The following MUC6 variants were observed in gnomAD, a reference collection of about 807,000 sequenced individuals.
MUC6 encodes mucin-6.
In MUC6, 188 loss-of-function variants were observed where a neutral mutation model predicts 201.5. That is an observed-to-expected ratio of 0.93 (90% confidence interval 0.83 to 1.05). MUC6 has a LOEUF of 1.05. Ranked by LOEUF, MUC6 falls within the 50% of genes least tolerant of loss-of-function variation. The pLI is 0.00. For synonymous variants in MUC6, 1,228 were observed against 1,389.4 expected (o/e 0.88, Z 2.58); for missense variants, 2,706 against 3,256.9 (o/e 0.83, Z 4.12).
At chr11:1,015,692 G>T in intron 31 of MUC6, 70 bp downstream of exon 31, 1 of 1,498,326 alleles carries the variant, frequency 6.7e-7, no homozygotes, top group Non-Finnish European at 8.9e-7. Flanking sequence ...GGTAAGCTGA[G>T]GCAGGGGCTG....
chr11:1,023,034 A>G (rs1049780538), intron 26 of MUC6, among the ~76,000 whole-genome samples: 2 of 147,546 alleles, frequency 1.4e-5, no homozygotes, highest in African/African-American at 4.9e-5. Context: ...GAATGTGTTG[A>G]GTGAATGTGC....
chr11:1,019,885 T>C (rs1856768750), intron 29 of MUC6: 1 of 734,682 alleles, frequency 1.4e-6, no homozygotes, highest in African/African-American at 1.8e-5. Flanking sequence ...CAGCAAGGAA[T>C]GCCCCATGCC....
rs564048616 is a variant in MUC6, at chr11:1,027,235, GA to G, written c.2231+32del. ...GCGTGAGACCCCGGGACCTGGCAGG[GA>G]CCCCCCGCCTGGCCCCTGCCCGGTC... On this transcript the variant is annotated intron_variant, in intron 17 of 32. Coordinates refer to ENST00000421673, the MANE Select transcript of MUC6 (RefSeq NM_005961.3). 6.7e-4 allele frequency: 1,082 copies of G among 1,611,942 alleles called. 9 individuals carry two copies. The African/African-American group carries it at 0.013, about 19-fold the overall frequency.
chr11:1,020,772 A>G, intron 27 of MUC6, 38 bp from the exon 28 acceptor site: 1 of 1,607,514 alleles, frequency 6.2e-7, no homozygotes, highest in Non-Finnish European at 8.5e-7. Flanking sequence ...TGGTTCTCTA[A>G]GCCTCCCCAC....
intron 4 of MUC6, 43 bp downstream of exon 4, chr11:1,031,564 G>A (rs367748049): frequency 2.7e-5 from 41 of 1,536,788 alleles, no homozygotes; most frequent in East Asian, 4.9e-5. Context: ...CTGCCCCCCC[G>A]TGCTGCGGGT....
chr11:1,029,705 TG>T (rs1278498932), intron 8 of MUC6, 90 bp from the exon 9 acceptor site: 1 of 1,473,536 alleles, frequency 6.8e-7, no homozygotes, highest in African/African-American at 1.4e-5. Context: ...CCCTCCAGCC[TG>T]GCTCCAGGGA....
At chr11:1,036,206 C>G (rs1031813042) in intron 1 of MUC6, among the ~76,000 whole-genome samples, 14 of 152,176 alleles carry the variant, frequency 9.2e-5, no homozygotes, top group Non-Finnish European at 1.9e-4. Context: ...GCCTCTGTCC[C>G]CCACACTCCA....
At chr11:1,030,366 T>TGCCACCCCCCC in intron 7 of MUC6, 31 bp from the exon 8 acceptor site, 4 of 1,489,588 alleles carry the variant, frequency 2.7e-6, no homozygotes, top group Non-Finnish European at 3.6e-6. Flanking sequence ...GGTGAGAGGG[T>TGCCACCCCCCC]CCCACCCCCC....
rs1054155151 is a variant in MUC6 at position 1,027,945 on chromosome 11, A to G, written c.1848+20T>C. ...CACAGCCTCCCCTGCAGCCCTCCCA[A>G]GACGCCCTCGGGCCCTCACCTTGTA... is the stretch of plus-strand genomic sequence containing the variant. On this transcript the variant is annotated intron_variant, in intron 15 of 32. Transcript: ENST00000421673. The G allele has an allele frequency of 2.6e-6, 4 of 1,564,590 alleles. No homozygotes were observed. Among genetic ancestry groups the G allele is most frequent in the Non-Finnish European group, 3.5e-6 (4 of 1,155,106 alleles).
At position 1,026,987 on chromosome 11, in the gene MUC6, G is replaced by A. The variant is rs375696754; in HGVS notation, c.2348C>T (p.Ala783Val). The change falls in exon 19 of 33, where the codon GCA (alanine) becomes GTA (valine). Residue 783 changes from alanine (A) to valine (V), a missense_variant. By Grantham distance (64) the Ala-to-Val change is moderately conservative. This residue lies in a region of MUC6 where 1,850 missense variants were observed against 1,958.3 expected (regional missense o/e 0.94). Coordinates refer to ENST00000421673, the MANE Select transcript of MUC6 (RefSeq NM_005961.3). ...CSQSSENKFG[A>V]ACAPTCQMLA... is the part of the protein sequence containing the mutation. ...CATCTGGCATGTGGGGGCACAGGCT[G>A]CCCCAAACTTGTTCTCGGAGGACTG... 1.5e-4 allele frequency: 247 copies of A among 1,601,514 alleles called. No homozygotes were observed. The highest frequency in any genetic ancestry group is 1.9e-4 in the Non-Finnish European group (227 of 1,174,858).
At chr11:1,030,370 A>ACCCCCCCCCCCCCCCCCCGCCCCC in intron 7 of MUC6, 35 bp from the exon 8 acceptor site, 1 of 992,838 alleles carries the variant, frequency 1.0e-6, no homozygotes, top group South Asian at 1.8e-5. Context: ...AGAGGGTCCC[A>ACCCCCCCCCCCCCCCCCCGCCCCC]CCCCCCCCAC....
At chr11:1,029,464 C>T (rs755787969) in intron 9 of MUC6, 31 bp downstream of exon 9, 21 of 1,609,636 alleles carry the variant, frequency 1.3e-5, no homozygotes, top group Middle Eastern at 3.3e-4. Flanking sequence ...CCCTGCCGGC[C>T]GGCCAGAGCC....
Position 1,026,089 on chromosome 11 carries a change from T to C in MUC6, c.2599A>G (p.Thr867Ala). 6.3e-7 allele frequency: 1 copy of C among 1,599,528 alleles called. No homozygotes were observed. Among genetic ancestry groups the C allele is most frequent in the Non-Finnish European group, 8.5e-7 (1 of 1,173,896 alleles). The change falls in exon 21 of 33, where the codon ACC becomes GCC. Residue 867 changes from threonine to alanine, a missense_variant. Thr to Ala is a moderately conservative substitution (Grantham distance 58). Around this residue, in one of 10 missense-constraint regions of MUC6, gnomAD observed 1,850 missense variants for 1,958.3 expected, o/e 0.94. Transcript: ENST00000421673. Reference sequence around the variant, plus strand: ...TGGCCCTCCCCGTAGAGGGTGCAGGTGGATGGGCAGTGGGTGCCCTGCTGA... The same window carrying C: ...TGGCCCTCCCCGTAGAGGGTGCAGGCGGATGGGCAGTGGGTGCCCTGCTGA... Reference protein sequence around the residue: ...ACQQGTHCPSTCTLYGEGHVI... With the variant: ...ACQQGTHCPSACTLYGEGHVI...
At position 1,033,642 on chromosome 11, in the gene MUC6, C is replaced by T. The variant is rs2133838864; in HGVS notation, c.53-567G>A. ...GAGGCCACTGTTGTCAGAGAAACATCCAGATAGCCCAGTCACGGTGACTCC... is the reference window on the plus strand; with the variant it reads ...GAGGCCACTGTTGTCAGAGAAACATTCAGATAGCCCAGTCACGGTGACTCC... On this transcript the variant is annotated intron_variant, in intron 1 of 32. Coordinates refer to ENST00000421673, the MANE Select transcript of MUC6 (RefSeq NM_005961.3). This position sits in a 1 kb window ranked among gnomAD's most constrained non-coding sequence, Gnocchi z 5.6. Among the ~76,000 whole-genome samples, 1 of 152,216 alleles carries T rather than the reference C, an allele frequency of 6.6e-6. No individual in the cohort carries two copies. The highest frequency in any genetic ancestry group is 1.9e-4 in the East Asian group (1 of 5,172).
In MUC6 at chr11:1,016,169, G is replaced by C. The variant is rs751735875; in HGVS notation, c.6632C>G (p.Thr2211Ser). The C allele has an allele frequency of 6.2e-7, 1 of 1,613,588 alleles. No homozygotes were observed. Among genetic ancestry groups the C allele is most frequent in the South Asian group, 1.1e-5 (1 of 91,042 alleles). The part of the protein sequence containing the change: ...SPAASTTIRA[T>S]LPHTISSPFT... Reference sequence around the variant, plus strand: ...AGGAGAGGAGATAGTGTGGGGGAGAGTGGCCCTAATGGTAGTAGAGGCAGC... The same window carrying C: ...AGGAGAGGAGATAGTGTGGGGGAGACTGGCCCTAATGGTAGTAGAGGCAGC... The change falls in exon 31 of 33, where the codon ACT becomes AGT. Residue 2211 changes from threonine to serine, a missense_variant. Physicochemically the swap from Thr to Ser is moderately conservative, Grantham distance 58. Transcript: ENST00000421673.
Position 1,023,998 on chromosome 11 carries a change from C to T in MUC6, c.3331G>A (p.Ala1111Thr), listed in dbSNP as rs1856886811. The T allele has an allele frequency of 2.5e-6, 4 of 1,612,466 alleles. No homozygotes were observed. ...ACGCACACACCCTTGTCCAGACAGG[C>T]TTGGGCGTAGGCAGCCACGGCATCG... Reference protein sequence around the residue: ...LCDAVAAYAQACLDKGVCVDW... With the variant: ...LCDAVAAYAQTCLDKGVCVDW... Residue 1111 changes from alanine (A) to threonine (T), a missense_variant, in exon 25 of 33, where the codon GCC (alanine) becomes ACC (threonine). Ala to Thr is a moderately conservative substitution (Grantham distance 58). Around this residue, in one of 10 missense-constraint regions of MUC6, gnomAD observed 1,850 missense variants for 1,958.3 expected, o/e 0.94. Transcript: ENST00000421673.
chr11:1,018,718 G>A lies in MUC6; in HGVS notation c.4083C>T (p.Gly1361=). The A allele has an allele frequency of 1.9e-6, 3 of 1,592,514 alleles. No individual in the cohort carries two copies. Among genetic ancestry groups the A allele is most frequent in the Non-Finnish European group, 2.6e-6 (3 of 1,170,942 alleles). ...LPGTTATQTT[G]PRPTPASTTG... is the part of the protein sequence containing the mutation. Reference sequence around the variant, plus strand: ...TGGTGCTTGCTGGGGTTGGACGTGGGCCTGTCGTCTGGGTGGCCGTTGTTC... The same window carrying A: ...TGGTGCTTGCTGGGGTTGGACGTGGACCTGTCGTCTGGGTGGCCGTTGTTC... Residue 1361 remains glycine (G), a synonymous_variant, in exon 31 of 33, where the codon GGC becomes GGT. Coordinates refer to ENST00000421673, the MANE Select transcript of MUC6 (RefSeq NM_005961.3).
rs1190093154 is a variant in MUC6 at position 1,020,098 on chromosome 11, G to A, written c.3800C>T (p.Ser1267Phe). Residue 1267 changes from serine to phenylalanine, a missense_variant, in exon 29 of 33, where the codon TCC becomes TTC. Physicochemically the swap from Ser to Phe is radical, Grantham distance 155. Coordinates refer to ENST00000421673, the MANE Select transcript of MUC6 (RefSeq NM_005961.3). ...ATLTSSKPTA[S>F]SGEPPRPTTA... ...AGCTGGAGGCTCCTTACCTCCCGAG[G>A]AGGCTGTGGGCTTGGAGGATGTGAG... 2 of 1,613,586 alleles carry A rather than the reference G, an allele frequency of 1.2e-6. No individual in the cohort carries two copies. The highest frequency in any genetic ancestry group is 1.7e-6 in the Non-Finnish European group (2 of 1,179,860).
At chr11:1,036,471 C>G (rs530662763) in intron 1 of MUC6, 133 bp downstream of exon 1, 45 of 1,060,532 alleles carry the variant, frequency 4.2e-5, no homozygotes, top group Non-Finnish European at 5.9e-5. Context: ...GTCACGGAGC[C>G]GAGCTGGGGC....
Sources: gnomAD v4.1 joint callset for allele counts (sites outside exome capture counted in the v4.1 genomes callset) on GRCh38, gnomAD v4.1.1 for gene constraint, gnomAD v4.1.1 regional missense constraint, Gnocchi (gnomAD v3.1) non-coding constraint, MANE v1.5 for transcripts, NCBI Gene and HGNC (gene_info 2026-07-23, HGNC 2026-07-21) for gene names.